PALD1: variants seen among roughly 807,000 people sequenced by gnomAD.
PALD1 encodes paladin.
In PALD1, 57 loss-of-function variants were observed where a neutral mutation model predicts 96.0. The observed-to-expected ratio is 0.59, with a 90% CI of 0.48 to 0.74. PALD1 has a LOEUF of 0.74. Among genes scored for constraint, PALD1 ranks in the 30% least tolerant of loss-of-function variants. PALD1 has a pLI of 0.00. For synonymous variants in PALD1, 464 were observed against 473.6 expected (o/e 0.98, Z 0.26); for missense variants, 1,063 against 1,143.7 (o/e 0.93, Z 1.02).
At chr10:70,520,082 G>A (rs563838777) in intron 1 of PALD1, among the ~76,000 whole-genome samples, 5 of 152,242 alleles carry the variant, frequency 3.3e-5, no homozygotes, top group African/African-American at 9.6e-5. Context: ...TCTCTAAGGT[G>A]GGACTTGGGA....
chr10:70,470,897 G>A, the PALD1 span, among the ~76,000 whole-genome samples: 1 of 152,054 alleles, frequency 6.6e-6, no homozygotes, highest in African/African-American at 2.4e-5. Context: ...CGCCTCCTGG[G>A]TTCAAGTGAT....
chr10:70,469,949 G>A, the PALD1 span, among the ~76,000 whole-genome samples: 5 of 151,872 alleles, frequency 3.3e-5, no homozygotes, highest in Admixed American at 1.3e-4. Context: ...GCCCGCCACC[G>A]TGCCTGGTTA....
intron 1 of PALD1, among the ~76,000 whole-genome samples, chr10:70,490,906 A>G (rs948537788): frequency 5.3e-5 from 8 of 152,172 alleles, no homozygotes; most frequent in African/African-American, 1.9e-4. Context: ...ATTGAAGATA[A>G]GCATGGAATA....
At chr10:70,524,414 C>T (rs1248541099) in intron 1 of PALD1, among the ~76,000 whole-genome samples, 1 of 152,194 alleles carries the variant, frequency 6.6e-6, no homozygotes, top group East Asian at 1.9e-4. Context: ...CTGAGCCACT[C>T]CTTCCCCATC....
chr10:70,499,483 T>C (rs1280830176), intron 1 of PALD1, among the ~76,000 whole-genome samples: 1 of 152,216 alleles, frequency 6.6e-6, no homozygotes, highest in Non-Finnish European at 1.5e-5. Context: ...CAGGGGCGGC[T>C]TGGCCTGGGG....
chr10:70,459,121 C>G, the PALD1 span, among the ~76,000 whole-genome samples: 1 of 151,910 alleles, frequency 6.6e-6, no homozygotes, highest in East Asian at 1.9e-4. Flanking sequence ...CCAGGGAGCC[C>G]GGTTTATAAG....
At chr10:70,518,736 T>C (rs955893624) in intron 1 of PALD1, among the ~76,000 whole-genome samples, 2 of 152,234 alleles carry the variant, frequency 1.3e-5, no homozygotes, top group African/African-American at 2.4e-5. Context: ...GATTGACCCA[T>C]TGGCCCTCCT....
At chr10:70,521,047 C>T (rs1459348046) in intron 1 of PALD1, among the ~76,000 whole-genome samples, 1 of 152,172 alleles carries the variant, frequency 6.6e-6, no homozygotes, top group African/African-American at 2.4e-5. Context: ...GTGTGCCAGA[C>T]TTTCTCAAAT....
chr10:70,538,390 C>T lies in PALD1; in HGVS notation c.1434C>T (p.Leu478=), dbSNP rs536767495. The T allele has an allele frequency of 9.9e-6, 16 of 1,611,824 alleles. No individual in the cohort carries two copies. The African/African-American group carries it at 2.1e-4, about 21-fold the overall frequency. ...CAGGCCCTGTGGCTCCGAGGGACCT[C>T]ATCGCCAGGGGCTCCCTAGTGAGTA... The part of the protein sequence containing the change: ...SSAGPVAPRD[L]IARGSLREDD... The change falls in exon 12 of 20, where the codon CTC becomes CTT. Residue 478 remains leucine, a synonymous_variant. Transcript: ENST00000263563.
At chr10:70,527,730 A>C (rs1042385590) in intron 2 of PALD1, among the ~76,000 whole-genome samples, 1 of 152,202 alleles carries the variant, frequency 6.6e-6, no homozygotes, top group Admixed American at 6.5e-5. Flanking sequence ...GTGGGAACCC[A>C]GGCCTCTTCT....
chr10:70,511,549 G>A (rs916370940), intron 1 of PALD1, among the ~76,000 whole-genome samples: 8 of 152,234 alleles, frequency 5.3e-5, no homozygotes, highest in South Asian at 2.1e-4. Flanking sequence ...CATGGACTGG[G>A]TAATTTATAA....
chr10:70,490,282 T>G (rs1846078426), intron 1 of PALD1, among the ~76,000 whole-genome samples: 1 of 152,102 alleles, frequency 6.6e-6, no homozygotes, highest in African/African-American at 2.4e-5. Flanking sequence ...GGTGCAGTGG[T>G]GCAATCACGG....
chr10:70,461,090 C>A, the PALD1 span, among the ~76,000 whole-genome samples: 3 of 152,190 alleles, frequency 2.0e-5, no homozygotes, highest in Non-Finnish European at 4.4e-5. Context: ...GCTCCAGAAC[C>A]CCGGCCTGCG....
intron 17 of PALD1, among the ~76,000 whole-genome samples, chr10:70,543,091 A>T (rs1204822735): frequency 7.6e-6 from 1 of 131,858 alleles, no homozygotes. Context: ...GATAATAGCC[A>T]TCCTGCTGGG....
At chr10:70,522,143 G>A (rs1259934264) in intron 1 of PALD1, among the ~76,000 whole-genome samples, 1 of 152,182 alleles carries the variant, frequency 6.6e-6, no homozygotes, top group Non-Finnish European at 1.5e-5. Flanking sequence ...ACTGGGGAGT[G>A]TCTTTGAGGG....
chr10:70,478,778 G>C lies in PALD1; in HGVS notation c.-311G>C, dbSNP rs1233417872. The C allele has an allele frequency of 2.0e-5, 3 of 151,586 alleles. No homozygotes were observed. The highest frequency in any genetic ancestry group is 4.4e-5 in the Non-Finnish European group (3 of 67,868). The allele number at this position is 151,586 out of a possible 1,614,324, so 9.4% of individuals were successfully genotyped here. The stretch of plus-strand genomic sequence containing the variant: ...CGGGTCCGCCCCTCGGCGTTGGGTA[G>C]CGGGGCGCTGGGGAGCAGCGCGGCG... On this transcript the variant is annotated 5_prime_UTR_variant, in exon 1 of 20. Coordinates refer to ENST00000263563, the MANE Select transcript of PALD1 (RefSeq NM_014431.3).
At chr10:70,461,902 C>G in the PALD1 span, among the ~76,000 whole-genome samples, 6 of 152,332 alleles carry the variant, frequency 3.9e-5, no homozygotes, top group Admixed American at 6.5e-5. Context: ...AAGCCATCCT[C>G]CCACCTCAGG....
At chr10:70,542,287 A>G (rs1047813396) in intron 17 of PALD1, among the ~76,000 whole-genome samples, 1 of 152,184 alleles carries the variant, frequency 6.6e-6, no homozygotes, top group Non-Finnish European at 1.5e-5. Context: ...GTGGTAAAAT[A>G]TGCATAACAT....
At chr10:70,482,392 C>T (rs1845948055) in intron 1 of PALD1, among the ~76,000 whole-genome samples, 1 of 152,198 alleles carries the variant, frequency 6.6e-6, no homozygotes, top group Non-Finnish European at 1.5e-5. Context: ...CCATGTGCTG[C>T]CCCTGTCTTG....
Sources: allele counts gnomAD v4.1 joint callset (sites outside exome capture counted in the v4.1 genomes callset), GRCh38; gene constraint gnomAD v4.1.1; transcripts MANE v1.5; gene names NCBI Gene and HGNC (gene_info 2026-07-23, HGNC 2026-07-21).